The following UPF2 variants were observed in gnomAD, a reference collection of about 807,000 sequenced individuals.
UPF2 encodes the protein regulator of nonsense transcripts 2.
A neutral mutation model predicts 141.4 loss-of-function variants in UPF2; 17 were observed. The observed-to-expected ratio is 0.12, with a 90% CI of 0.08 to 0.18. The LOEUF is 0.18. UPF2 is among the 10% of genes least tolerant of loss of function. The probability of loss-of-function intolerance (pLI) is 1.00; values close to 1 mark genes in which losing one functional copy is unlikely to be tolerated. For synonymous variants in UPF2, 540 were observed against 498.0 expected (o/e 1.08, Z -1.12); for missense variants, 1,152 against 1,515.9 (o/e 0.76, Z 3.99).
chr10:11,956,613 G>T lies in UPF2; in HGVS notation c.2371-90C>A. On this transcript the variant is annotated intron_variant, in intron 12 of 21. Transcript: ENST00000357604. This position sits in a 1 kb window ranked among gnomAD's most constrained non-coding sequence, Gnocchi z 4.2. ...AGAAATTTTGCTATGATTGCGCAGA[G>T]AACTTTTGAAATAGAAAATACATTA... 2 of 1,187,578 alleles carry T rather than the reference G, an allele frequency of 1.7e-6. No homozygotes were observed. The highest frequency in any genetic ancestry group is 1.2e-6 in the Non-Finnish European group (1 of 834,694). 73.6% of individuals were successfully genotyped at this position (1,187,578 alleles called of 1,614,324 possible). A position where few individuals can be genotyped will look rare whatever the true frequency, so the allele number is the denominator to read the frequency against.
chr10:12,008,774 T>G (rs1834080479), intron 4 of UPF2, among the ~76,000 whole-genome samples: 1 of 152,016 alleles, frequency 6.6e-6, no homozygotes, highest in Non-Finnish European at 1.5e-5. Flanking sequence ...TTGCTGCACT[T>G]ACCAACCCGT....
In UPF2 at chr10:11,921,117, G is replaced by C. The variant is rs750169839; in HGVS notation, c.*181C>G. On this transcript the variant is annotated 3_prime_UTR_variant, in exon 22 of 22. Transcript: ENST00000357604. This position sits in a 1 kb window ranked among gnomAD's most constrained non-coding sequence, Gnocchi z 5.9. ...CCGCCTTGTCTGGAAGCGTCGGCTTGTTCCGGTGTTGGCAGAGGCTGGTGT... is the reference window on the plus strand; with the variant it reads ...CCGCCTTGTCTGGAAGCGTCGGCTTCTTCCGGTGTTGGCAGAGGCTGGTGT... The C allele has an allele frequency of 1.2e-6, 1 of 847,158 alleles. No homozygotes were observed. The highest frequency in any genetic ancestry group is 1.7e-5 in the Admixed American group (1 of 58,916). The allele number at this position is 847,158 out of a possible 1,614,324, so 52.5% of individuals were successfully genotyped here.
At chr10:11,941,560 C>T (rs1832936516) in intron 18 of UPF2, among the ~76,000 whole-genome samples, 1 of 151,906 alleles carries the variant, frequency 6.6e-6, no homozygotes, top group Non-Finnish European at 1.5e-5. Flanking sequence ...ATATCTTCTA[C>T]CTTTAAAAAA....
chr10:12,026,216 T>A (rs1056879595), intron 3 of UPF2, among the ~76,000 whole-genome samples: 2 of 152,160 alleles, frequency 1.3e-5, no homozygotes, highest in Non-Finnish European at 2.9e-5. Context: ...GCTTTAAAAA[T>A]TGTATTTCAC....
chr10:12,004,278 C>T (rs887961307), intron 5 of UPF2, among the ~76,000 whole-genome samples: 2 of 152,164 alleles, frequency 1.3e-5, no homozygotes, highest in African/African-American at 4.8e-5. Context: ...GAATTCACTA[C>T]AAGACATTAT....
intron 11 of UPF2, among the ~76,000 whole-genome samples, chr10:11,962,612 C>T (rs1045610607): frequency 6.6e-5 from 10 of 152,168 alleles, no homozygotes; most frequent in Admixed American, 1.3e-4. Context: ...CTCTCTACCT[C>T]GGGTCTCAGC....
At chr10:11,984,303 A>G (rs1229443585) in intron 8 of UPF2, among the ~76,000 whole-genome samples, 1 of 152,132 alleles carries the variant, frequency 6.6e-6, no homozygotes, top group Admixed American at 6.5e-5. Context: ...AAATGTGTAT[A>G]TTTTTCAAAA....
chr10:11,984,870 G>A (rs1487273603), intron 8 of UPF2, among the ~76,000 whole-genome samples: 6 of 152,140 alleles, frequency 3.9e-5, no homozygotes, highest in Admixed American at 2.6e-4. Flanking sequence ...CTGCCACCAT[G>A]CCCGGCTAAT....
At chr10:11,948,968 C>T (rs569802609) in intron 15 of UPF2, among the ~76,000 whole-genome samples, 161 of 152,276 alleles carry the variant, frequency 1.1e-3, no homozygotes, top group South Asian at 3.3e-3. Context: ...TCATATGTGG[C>T]TATCAATTTG....
intron 2 of UPF2, among the ~76,000 whole-genome samples, chr10:12,030,426 T>C (rs934871985): frequency 6.6e-6 from 1 of 151,666 alleles, no homozygotes; most frequent in Non-Finnish European, 1.5e-5. Flanking sequence ...CTCAGCTACT[T>C]GGGAGGCTGA....
At chr10:12,024,884 T>G (rs1375294615) in intron 3 of UPF2, among the ~76,000 whole-genome samples, 3 of 125,360 alleles carry the variant, frequency 2.4e-5, no homozygotes, top group Admixed American at 1.1e-4. Flanking sequence ...CACTGAGCCA[T>G]GATCACACGA....
In UPF2 at chr10:12,029,485, C is replaced by A. The variant is rs1834477207; in HGVS notation, c.405G>T (p.Trp135Cys). Reference protein sequence around the residue: ...EESIQLHQEAWERHHLRKELR... With the variant: ...EESIQLHQEACERHHLRKELR... ...GTTCCTTTCTTAAATGATGTCGTTC[C>A]CAAGCTTCCTGATGAAGCTGAATGG... Residue 135 changes from tryptophan to cysteine, a missense_variant, in exon 3 of 22, where the codon TGG (tryptophan) becomes TGT (cysteine). Physicochemically the swap from Trp to Cys is radical, Grantham distance 215 (BLOSUM62 -2). Coordinates refer to ENST00000357604, the MANE Select transcript of UPF2 (RefSeq NM_015542.4). The A allele has an allele frequency of 6.2e-7, 1 of 1,605,562 alleles. No homozygotes were observed. The highest frequency in any genetic ancestry group is 1.3e-5 in the African/African-American group (1 of 74,170).
In UPF2 at chr10:11,935,381, T is replaced by C. The variant is rs1002917406; in HGVS notation, c.3546+1164A>G. ...AGGTAAATAATAAATACTTGTTAAA[T>C]GACTGTGTAGACGAATGTGGTATTG... is the stretch of plus-strand genomic sequence containing the variant. On this transcript the variant is annotated intron_variant, in intron 19 of 21. Coordinates refer to ENST00000357604, the MANE Select transcript of UPF2 (RefSeq NM_015542.4). This position sits in a 1 kb window ranked among gnomAD's most constrained non-coding sequence, Gnocchi z 4.9. Among the ~76,000 whole-genome samples, 1 of 152,206 alleles carries C rather than the reference T, an allele frequency of 6.6e-6. No homozygotes were observed. The highest frequency in any genetic ancestry group is 6.5e-5 in the Admixed American group (1 of 15,272).
intron 16 of UPF2, among the ~76,000 whole-genome samples, chr10:11,944,010 C>CAA (rs59692209): frequency 7.0e-6 from 1 of 143,126 alleles, no homozygotes; most frequent in Admixed American, 6.9e-5. Context: ...AAAAAACAAA[C>CAA]AAAAAAAAAA....
intron 7 of UPF2, among the ~76,000 whole-genome samples, chr10:11,999,023 CAAA>C (rs567447054): frequency 8.8e-6 from 1 of 113,450 alleles, no homozygotes; most frequent in African/African-American, 3.7e-5. Context: ...AGACTCCACT[CAAA>C]AAAAAAAAAA....
intron 8 of UPF2, among the ~76,000 whole-genome samples, chr10:11,995,644 A>C (rs561836633): frequency 1.1e-4 from 16 of 152,130 alleles, no homozygotes; most frequent in Admixed American, 2.0e-4. Flanking sequence ...TTAGCCGGGC[A>C]TGGTGGTGGG....
chr10:12,003,656 T>A (rs2131269493), intron 5 of UPF2, among the ~76,000 whole-genome samples: 1 of 152,276 alleles, frequency 6.6e-6, no homozygotes, highest in Admixed American at 6.5e-5. Context: ...CTGAGCGCGG[T>A]GGCTCACGCC....
chr10:12,024,892 C>T (rs928723594), intron 3 of UPF2, among the ~76,000 whole-genome samples: 61 of 134,926 alleles, frequency 4.5e-4, no homozygotes, highest in African/African-American at 1.7e-3. Flanking sequence ...CATGATCACA[C>T]GACTGCACTC....
intron 1 of UPF2, among the ~76,000 whole-genome samples, chr10:12,040,584 C>T (rs765280910): frequency 1.3e-5 from 2 of 151,758 alleles, no homozygotes; most frequent in Non-Finnish European, 2.9e-5. Context: ...ATACTTGCGA[C>T]TAAATTTCCG....
Sources: allele counts gnomAD v4.1 joint callset (sites outside exome capture counted in the v4.1 genomes callset), GRCh38; gene constraint gnomAD v4.1.1; non-coding constraint Gnocchi (gnomAD v3.1); transcripts MANE v1.5; gene names NCBI Gene and HGNC (gene_info 2026-07-23, HGNC 2026-07-21).